The following ZFYVE28 variants were observed in gnomAD, a reference collection of about 807,000 sequenced individuals.
ZFYVE28 encodes the protein zinc finger FYVE-type containing 28.
In ZFYVE28, 40 loss-of-function variants were observed where a neutral mutation model predicts 82.1. The ratio of observed to expected loss-of-function variants is 0.49; its 90% CI spans 0.38 to 0.63. The LOEUF is 0.63. ZFYVE28 is among the 30% of genes least tolerant of loss of function. ZFYVE28 has a pLI of 0.00. For missense variants in ZFYVE28, 1,321 were observed against 1,242.1 expected (o/e 1.06, Z -0.96); for synonymous variants, 612 against 546.1 (o/e 1.12, Z -1.68).
At position 2,274,186 on chromosome 4, in the gene ZFYVE28, G is replaced by T. The variant is rs1409941876; in HGVS notation, c.2082C>A (p.Asp694Glu). Reference sequence around the variant, plus strand: ...CTGGGGCCGCCTCTGGCCCCATCTTGTCTGAGGAGCAGGACCCAGCTGTGG... The same window carrying T: ...CTGGGGCCGCCTCTGGCCCCATCTTTTCTGAGGAGCAGGACCCAGCTGTGG... ...SSSTAGSCSS[D>E]KMGPEAAPAA... is the part of the protein sequence containing the mutation. Residue 694 changes from aspartate (D) to glutamate (E), a missense_variant, in exon 9 of 13, where the codon GAC (aspartate) becomes GAA (glutamate). Asp to Glu is a conservative substitution (Grantham distance 45). Transcript: ENST00000290974. The T allele has an allele frequency of 1.2e-6, 2 of 1,613,858 alleles. No individual in the cohort carries two copies. The highest frequency in any genetic ancestry group is 1.7e-6 in the Non-Finnish European group (2 of 1,179,980).
chr4:2,304,323 C>A lies in ZFYVE28; in HGVS notation c.2017G>T (p.Ala673Ser). The A allele has an allele frequency of 6.2e-7, 1 of 1,600,310 alleles. No homozygotes were observed. The highest frequency in any genetic ancestry group is 8.5e-7 in the Non-Finnish European group (1 of 1,177,536). Residue 673 changes from alanine (A) to serine (S), a missense_variant, in exon 8 of 13, where the codon GCT becomes TCT. Ala to Ser is a moderately conservative substitution (Grantham distance 99). Transcript: ENST00000290974. ...GACAGGGCCTGAGGCGCCTCGTGAG[C>A]CGAGGGGCTCCCAGCATGCAGCTCT... ...ARELHAGSPS[A>S]HEAPQALSGS...
intron 7 of ZFYVE28, among the ~76,000 whole-genome samples, chr4:2,319,585 T>C (rs901051063): frequency 2.6e-5 from 4 of 152,296 alleles, no homozygotes; most frequent in Non-Finnish European, 5.9e-5. Context: ...ATGGAGGACA[T>C]GTGCCATGGG....
Position 2,335,006 on chromosome 4 carries a change from T to C in ZFYVE28, c.701+699A>G, listed in dbSNP as rs556495168. ...CAGCCTGACCCCTGGGCTCTAACCT[T>C]GGCCCCAGACAGCTCAGAGACGCTA... On this transcript the variant is annotated intron_variant, in intron 6 of 12. Transcript: ENST00000290974. This position sits in a 1 kb window ranked among gnomAD's most constrained non-coding sequence, Gnocchi z 5.8. Among the ~76,000 whole-genome samples, 832 of 150,482 alleles carry C rather than the reference T, an allele frequency of 5.5e-3. 3 individuals are homozygous for C. The highest frequency in any genetic ancestry group is 9.2e-3 in the Non-Finnish European group (617 of 67,384).
At position 2,304,965 on chromosome 4, in the gene ZFYVE28, T is replaced by C; in HGVS notation, c.1375A>G (p.Ser459Gly). 6.2e-7 allele frequency: 1 copy of C among 1,612,696 alleles called. No homozygotes were observed. Among genetic ancestry groups the C allele is most frequent in the African/African-American group, 1.3e-5 (1 of 75,036 alleles). The part of the protein sequence containing the change: ...LPASEKEEDL[S>G]NNNLEAEGTD... ...CCCTCGGCCTCGAGATTGTTGTTGC[T>C]CAAGTCCTCCTCCTTTTCCGAGGCG... Residue 459 changes from serine (S) to glycine (G), a missense_variant, in exon 8 of 13, where the codon AGC becomes GGC. This residue lies in a region of ZFYVE28 where 978 missense variants were observed against 833.7 expected (regional missense o/e 1.17). Coordinates refer to ENST00000290974, the MANE Select transcript of ZFYVE28 (RefSeq NM_020972.3).
chr4:2,337,180 G>A (rs1255660309), intron 5 of ZFYVE28, among the ~76,000 whole-genome samples: 1 of 152,118 alleles, frequency 6.6e-6, no homozygotes, highest in Non-Finnish European at 1.5e-5. Context: ...GCGACCGTGG[G>A]GCGGTGGAAG....
intron 6 of ZFYVE28, among the ~76,000 whole-genome samples, chr4:2,327,111 A>C (rs879436126): frequency 2.5e-4 from 38 of 151,528 alleles, no homozygotes; most frequent in Non-Finnish European, 4.6e-4. Flanking sequence ...TTAGCTGGGC[A>C]TGGTGGCTCA....
At chr4:2,383,911 G>C (rs139231768) in intron 1 of ZFYVE28, among the ~76,000 whole-genome samples, 1 of 152,298 alleles carries the variant, frequency 6.6e-6, no homozygotes, top group African/African-American at 2.4e-5. Flanking sequence ...CACAAGACTG[G>C]AGAAAATGAG....
intron 8 of ZFYVE28, among the ~76,000 whole-genome samples, chr4:2,293,135 G>C (rs555417877): frequency 2.6e-5 from 4 of 151,930 alleles, no homozygotes; most frequent in African/African-American, 9.6e-5. Flanking sequence ...ATTAGGAATA[G>C]GAGAGAACTC....
In ZFYVE28 at chr4:2,325,485, A is replaced by G. The variant is rs188320296; in HGVS notation, c.702-5214T>C. 3.1e-4 allele frequency among the ~76,000 whole-genome samples: 47 copies of G among 152,352 alleles called. No homozygotes were observed. In the East Asian group the frequency reaches 7.7e-3, roughly 25 times the overall value. ...TTACAAAAAACGACTGCATATGATA[A>G]AAGCGTTTGTGCAAAAATACATTCA... is the stretch of plus-strand genomic sequence containing the variant. On this transcript the variant is annotated intron_variant, in intron 6 of 12. Coordinates refer to ENST00000290974, the MANE Select transcript of ZFYVE28 (RefSeq NM_020972.3).
rs1732747580 is a variant in ZFYVE28, at chr4:2,413,627, GC to G, written c.39+4657del. Among the ~76,000 whole-genome samples, 5 of 152,328 alleles carry G rather than the reference GC, an allele frequency of 3.3e-5. No individual in the cohort carries two copies. In the South Asian group the frequency reaches 1.0e-3, roughly 32 times the overall value. On this transcript the variant is annotated intron_variant, in intron 1 of 12. Coordinates refer to ENST00000290974, the MANE Select transcript of ZFYVE28 (RefSeq NM_020972.3). ...CTCACCTCAGAGAGAAACGTGCCAGGCCAAGGACAACCCCCTGCCACAGCTG... is the reference window on the plus strand; with the variant it reads ...CTCACCTCAGAGAGAAACGTGCCAGGCAAGGACAACCCCCTGCCACAGCTG...
chr4:2,358,936 G>A (rs1725723397), intron 1 of ZFYVE28, among the ~76,000 whole-genome samples: 1 of 151,640 alleles, frequency 6.6e-6, no homozygotes, highest in Non-Finnish European at 1.5e-5. Context: ...TGAGTAGCTA[G>A]GAAGACAGGT....
intron 8 of ZFYVE28, among the ~76,000 whole-genome samples, chr4:2,280,892 T>C (rs1345179977): frequency 6.6e-6 from 1 of 152,160 alleles, no homozygotes; most frequent in Non-Finnish European, 1.5e-5. Context: ...GAAGCACCCC[T>C]GGAGATGAGA....
Position 2,329,218 on chromosome 4 carries a change from A to G in ZFYVE28, c.701+6487T>C, listed in dbSNP as rs140357138. On this transcript the variant is annotated intron_variant, in intron 6 of 12. Transcript: ENST00000290974. ...GTAGATCACTTTATGGAGTATTGCC[A>G]TTCTAACTATATTAAGTCTTCCCAT... 8.6e-5 allele frequency: 52 copies of G among 606,296 alleles called. No individual in the cohort carries two copies. In the African/African-American group the frequency reaches 8.7e-4, roughly 10 times the overall value. 37.6% of individuals were successfully genotyped at this position (606,296 alleles called of 1,614,324 possible). A position where few individuals can be genotyped will look rare whatever the true frequency, so the allele number is the denominator to read the frequency against.
intron 1 of ZFYVE28, among the ~76,000 whole-genome samples, chr4:2,397,418 C>T (rs1730592387): frequency 6.9e-6 from 1 of 145,570 alleles, no homozygotes; most frequent in South Asian, 2.1e-4. Context: ...GTGGAGCTTG[C>T]AGTGAGCTGA....
chr4:2,387,611 G>A (rs1729413811), intron 1 of ZFYVE28, among the ~76,000 whole-genome samples: 2 of 152,328 alleles, frequency 1.3e-5, no homozygotes, highest in South Asian at 4.1e-4. Flanking sequence ...GCTTGGCAGG[G>A]CCATCCTCTA....
chr4:2,304,233 C>T, intron 8 of ZFYVE28, 56 bp downstream of exon 8: 1 of 1,501,602 alleles, frequency 6.7e-7, no homozygotes. Flanking sequence ...TGCGCCAGCA[C>T]CTGCCCCCCA....
chr4:2,418,644 A>T lies in ZFYVE28; in HGVS notation c.-321T>A, dbSNP rs1733400006. Reference sequence around the variant, plus strand: ...ACTGACACCCAGCGCTCCGCTGGTCACGGCCGCCCCGCGCCGCACATGCGC... The same window carrying T: ...ACTGACACCCAGCGCTCCGCTGGTCTCGGCCGCCCCGCGCCGCACATGCGC... On this transcript the variant is annotated 5_prime_UTR_variant, in exon 1 of 13. Coordinates refer to ENST00000290974, the MANE Select transcript of ZFYVE28 (RefSeq NM_020972.3). This position sits in a 1 kb window ranked among gnomAD's most constrained non-coding sequence, Gnocchi z 4.6. 6.7e-6 allele frequency: 1 copy of T among 148,304 alleles called. No individual in the cohort carries two copies. Among genetic ancestry groups the T allele is most frequent in the Non-Finnish European group, 1.5e-5 (1 of 66,870 alleles). 9.2% of individuals were successfully genotyped at this position (148,304 alleles called of 1,614,324 possible).
At chr4:2,390,356 GCT>G (rs1729700179) in intron 1 of ZFYVE28, among the ~76,000 whole-genome samples, 2 of 152,072 alleles carry the variant, frequency 1.3e-5, no homozygotes, top group South Asian at 2.1e-4. Flanking sequence ...TGGTCAAGCC[GCT>G]CTGTTTGTAG....
Position 2,360,389 on chromosome 4 carries a change from TCACA to T in ZFYVE28, c.40-6320_40-6317del, listed in dbSNP as rs10545681. ...ACCATCTGCAAAAAGAGAGCTGTAA[TCACA>T]CACACACACACACACACACACACAC... On this transcript the variant is annotated intron_variant, in intron 1 of 12. Transcript: ENST00000290974. 9.0e-3 allele frequency among the ~76,000 whole-genome samples: 1,295 copies of T among 143,366 alleles called. 12 individuals are homozygous for T. The highest frequency in any genetic ancestry group is 0.026 in the Middle Eastern group (7 of 274). 94.1% of individuals were successfully genotyped at this position (143,366 alleles called of 152,430 possible).
Sources: gnomAD v4.1 joint callset for allele counts (sites outside exome capture counted in the v4.1 genomes callset) on GRCh38, gnomAD v4.1.1 for gene constraint, gnomAD v4.1.1 regional missense constraint, Gnocchi (gnomAD v3.1) non-coding constraint, MANE v1.5 for transcripts, NCBI Gene and HGNC (gene_info 2026-07-23, HGNC 2026-07-21) for gene names.